PCDHA2: variants seen among roughly 807,000 people sequenced by gnomAD.
PCDHA2 encodes protocadherin alpha-2.
A neutral mutation model predicts 66.0 loss-of-function variants in PCDHA2; 58 were observed. The ratio of observed to expected loss-of-function variants is 0.88; its 90% CI spans 0.71 to 1.09. The LOEUF is 1.09. Ranked by LOEUF, PCDHA2 falls within the 50% of genes least tolerant of loss-of-function variation. The pLI is 0.00. For missense variants in PCDHA2, 1,267 were observed against 1,242.3 expected (o/e 1.02, Z -0.30); for synonymous variants, 634 against 554.0 (o/e 1.14, Z -2.03).
At chr5:140,988,877 G>A (rs372950279) in intron 3 of PCDHA2, 8 of 152,310 alleles carry the variant, frequency 5.3e-5, no homozygotes, top group East Asian at 3.9e-4. Context: ...TCAGATGTAC[G>A]ATCCTGGATA....
chr5:140,984,230 A>C (rs1329517544), intron 3 of PCDHA2, among the ~76,000 whole-genome samples: 1 of 152,112 alleles, frequency 6.6e-6, no homozygotes, highest in Non-Finnish European at 1.5e-5. Flanking sequence ...GCTCTTATGG[A>C]GGCATTGTAG....
At chr5:140,999,426 A>G (rs1456581917) in intron 3 of PCDHA2, among the ~76,000 whole-genome samples, 2 of 152,204 alleles carry the variant, frequency 1.3e-5, no homozygotes, top group Middle Eastern at 3.2e-3. Context: ...TAAGAGGCCA[A>G]GTACCTTGCC....
intron 1 of PCDHA2, among the ~76,000 whole-genome samples, chr5:140,905,373 G>A (rs556428182): frequency 6.6e-6 from 1 of 152,118 alleles, no homozygotes; most frequent in East Asian, 1.9e-4. Context: ...CTGGTTCTCT[G>A]TTCTGTTTCA....
At chr5:140,900,139 G>A (rs985320509) in intron 1 of PCDHA2, among the ~76,000 whole-genome samples, 2 of 152,156 alleles carry the variant, frequency 1.3e-5, no homozygotes, top group East Asian at 3.9e-4. Context: ...CCACAAATAA[G>A]TAAGAACATA....
chr5:140,865,572 A>T (rs2048923193), intron 1 of PCDHA2: 1 of 152,224 alleles, frequency 6.6e-6, no homozygotes, highest in African/African-American at 2.4e-5. Context: ...TCAGTAACTC[A>T]TGATAATAAA....
rs114742019 is a variant in PCDHA2, at chr5:140,911,730, G to A, written c.2389-67219G>A. Among the ~76,000 whole-genome samples the A allele has an allele frequency of 8.1e-3, 1,236 of 152,190 alleles. 6 individuals carry two copies. The highest frequency in any genetic ancestry group is 0.019 in the African/African-American group (801 of 41,524). ...TTTTGTGTAACTCTGTAAACAGTTC[G>A]TGCCAAGGACTATCAGTGTTCTCCA... is the stretch of plus-strand genomic sequence containing the variant. On this transcript the variant is annotated intron_variant, in intron 1 of 3. Coordinates refer to ENST00000526136, the MANE Select transcript of PCDHA2 (RefSeq NM_018905.3).
At chr5:140,814,223 T>TTTG (rs1554126424) in intron 1 of PCDHA2, 1 of 152,626 alleles carries the variant, frequency 6.6e-6, no homozygotes, top group Non-Finnish European at 1.5e-5. Flanking sequence ...AGTGTTTTTT[T>TTTG]TTGTTGTTGT....
chr5:140,881,581 T>C (rs782420499), intron 1 of PCDHA2, among the ~76,000 whole-genome samples: 2 of 152,222 alleles, frequency 1.3e-5, no homozygotes, highest in African/African-American at 2.4e-5. Context: ...TCAAGTCACA[T>C]TGAGGGAAAT....
chr5:140,835,567 T>C (rs2150238400), intron 1 of PCDHA2: 1 of 1,613,882 alleles, frequency 6.2e-7, no homozygotes, highest in South Asian at 1.1e-5. Flanking sequence ...CGCGTTCCCT[T>C]CAAGTTGGTG....
At chr5:140,841,743 T>A (rs1554138513) in intron 1 of PCDHA2, 1 of 1,613,818 alleles carries the variant, frequency 6.2e-7, no homozygotes, top group Admixed American at 1.7e-5. Context: ...CAAAAGCTGT[T>A]TGTTTCAGAA....
At chr5:140,829,754 G>T (rs2150173940) in intron 1 of PCDHA2, 3 of 1,613,740 alleles carry the variant, frequency 1.9e-6, no homozygotes, top group Non-Finnish European at 2.5e-6. Context: ...GCAGGTGTTC[G>T]TGCTGGACGA....
chr5:140,803,205 G>A (rs1485763647), intron 1 of PCDHA2: 1 of 1,613,898 alleles, frequency 6.2e-7, no homozygotes, highest in Non-Finnish European at 8.5e-7. Context: ...GGTGTCGCTG[G>A]TGGAGAGTGG....
intron 1 of PCDHA2, chr5:140,829,396 G>A (rs2150167101): frequency 6.2e-7 from 1 of 1,614,172 alleles, no homozygotes. Context: ...CGCCTTCGCT[G>A]TGGGCCACCG....
chr5:140,922,093 C>T (rs1037802949), intron 1 of PCDHA2, among the ~76,000 whole-genome samples: 6 of 151,986 alleles, frequency 3.9e-5, no homozygotes, highest in Middle Eastern at 3.4e-3. Flanking sequence ...GTATTTCTAC[C>T]AACTATAGAT....
chr5:140,836,634 T>C (rs1554136166), intron 1 of PCDHA2: 3 of 1,613,416 alleles, frequency 1.9e-6, no homozygotes, highest in Non-Finnish European at 8.5e-7. Context: ...CTGGTCATTC[T>C]CCCAGCAGAG....
At chr5:140,838,077 AGTG>A (rs1434205895) in intron 1 of PCDHA2, among the ~76,000 whole-genome samples, 27 of 80,700 alleles carry the variant, frequency 3.3e-4, no homozygotes, top group Middle Eastern at 7.4e-3. Flanking sequence ...ATATATATAT[AGTG>A]TGTGTGTGTG....
At chr5:140,876,131 C>G in intron 1 of PCDHA2, 3 of 1,613,872 alleles carry the variant, frequency 1.9e-6, no homozygotes, top group Non-Finnish European at 2.5e-6. Context: ...GGCGGTAAAC[C>G]AGAACTAACA....
chr5:140,855,670 T>G (rs1581372681), intron 1 of PCDHA2, among the ~76,000 whole-genome samples: 2 of 149,924 alleles, frequency 1.3e-5, no homozygotes, highest in African/African-American at 4.9e-5. Context: ...ATCACTACTC[T>G]GAGAGTCTAC....
At chr5:140,962,786 A>G (rs1377248587) in intron 1 of PCDHA2, among the ~76,000 whole-genome samples, 6 of 152,216 alleles carry the variant, frequency 3.9e-5, no homozygotes, top group African/African-American at 1.4e-4. Context: ...ATTTTTAAAA[A>G]CTACTTTGGA....
Sources: gnomAD v4.1 joint callset for allele counts (sites outside exome capture counted in the v4.1 genomes callset) on GRCh38, gnomAD v4.1.1 for gene constraint, MANE v1.5 for transcripts, NCBI Gene and HGNC (gene_info 2026-07-23, HGNC 2026-07-21) for gene names.